Variants in EIF2AK2 observed in about 807,000 individuals in gnomAD.
EIF2AK2 encodes interferon-induced, double-stranded RNA-activated protein kinase.
EIF2AK2 carries 40 observed loss-of-function variants against 70.5 expected under a neutral mutation model. That is an observed-to-expected ratio of 0.57 (90% CI 0.44 to 0.74). The LOEUF is 0.74. Among genes scored for constraint, EIF2AK2 ranks in the 30% least tolerant of loss-of-function variants. The probability of loss-of-function intolerance (pLI) is 0.00; values close to 1 mark genes in which losing one functional copy is unlikely to be tolerated. For synonymous variants in EIF2AK2, 198 were observed against 220.9 expected, an observed-to-expected ratio of 0.90 and a Z score of 0.92; for missense variants, 555 against 644.3, an observed-to-expected ratio of 0.86 and a Z score of 1.50.
At chr2:37,120,244 C>A in intron 12 of EIF2AK2, 105 bp from the exon 13 acceptor site, 2 of 796,928 alleles carry the variant, frequency 2.5e-6, no homozygotes, top group Non-Finnish European at 3.4e-6. Flanking sequence ...AAAGCTTATA[C>A]CTTATCTTCT....
At chr2:37,123,081 T>C (rs1298626500) in intron 11 of EIF2AK2, among the ~76,000 whole-genome samples, 2 of 151,726 alleles carry the variant, frequency 1.3e-5, no homozygotes. Context: ...GGCAGGAGAA[T>C]CGCTTGAATC....
chr2:37,145,584 T>C (rs1675503762), intron 4 of EIF2AK2, among the ~76,000 whole-genome samples: 1 of 152,176 alleles, frequency 6.6e-6, no homozygotes, highest in Non-Finnish European at 1.5e-5. Flanking sequence ...ATGTTGCTTA[T>C]GTATACAGTG....
At chr2:37,148,792 T>C in intron 2 of EIF2AK2, 65 bp downstream of exon 2, 1 of 822,044 alleles carries the variant, frequency 1.2e-6, no homozygotes, top group Non-Finnish European at 2.2e-6. Flanking sequence ...CCCCCCAGAA[T>C]TTGCATGTAA....
intron 13 of EIF2AK2, among the ~76,000 whole-genome samples, chr2:37,118,029 C>T (rs776059670): frequency 2.6e-5 from 4 of 151,982 alleles, no homozygotes; most frequent in Non-Finnish European, 5.9e-5. Context: ...AGCTTGAGGC[C>T]GGGTGCAGTG....
At chr2:37,141,984 C>A (rs767240505) in intron 4 of EIF2AK2, among the ~76,000 whole-genome samples, 1 of 152,102 alleles carries the variant, frequency 6.6e-6, no homozygotes, top group Non-Finnish European at 1.5e-5. Context: ...CCTTTCTAAT[C>A]TCAAAAAACA....
rs1308382747 is a variant in EIF2AK2, at chr2:37,104,412, T to G, written c.*2861A>C. The G allele has an allele frequency of 6.6e-6, 1 of 152,014 alleles. No homozygotes were observed. Among genetic ancestry groups the G allele is most frequent in the Non-Finnish European group, 1.5e-5 (1 of 68,028 alleles). 9.4% of individuals were successfully genotyped at this position (152,014 alleles called of 1,614,324 possible). On this transcript the variant is annotated 3_prime_UTR_variant, in exon 17 of 17. Coordinates refer to ENST00000233057, the MANE Select transcript of EIF2AK2 (RefSeq NM_001135651.3). The stretch of plus-strand genomic sequence containing the variant: ...ATGGCTCACTGCGGCCTTGACCTCC[T>G]AGGCTCAAGTGATCCTCCCACCTCA...
intron 15 of EIF2AK2, among the ~76,000 whole-genome samples, chr2:37,108,735 A>G (rs537978976): frequency 6.6e-6 from 1 of 152,176 alleles, no homozygotes; most frequent in East Asian, 1.9e-4. Flanking sequence ...ACACCCAGCT[A>G]ATTTTTGTAT....
At chr2:37,134,153 T>A (rs910189191) in intron 10 of EIF2AK2, among the ~76,000 whole-genome samples, 1 of 152,184 alleles carries the variant, frequency 6.6e-6, no homozygotes, top group African/African-American at 2.4e-5. Flanking sequence ...AAAAGGAGCT[T>A]CCTTTTTTGA....
intron 4 of EIF2AK2, 144 bp downstream of exon 4, chr2:37,146,709 G>A: frequency 2.0e-6 from 2 of 996,120 alleles, no homozygotes; most frequent in Non-Finnish European, 2.9e-6. Context: ...TAGAAATGAA[G>A]ATAGGGTGAA....
intron 9 of EIF2AK2, among the ~76,000 whole-genome samples, chr2:37,136,251 C>G (rs1479681079): frequency 6.6e-6 from 1 of 152,264 alleles, no homozygotes; most frequent in South Asian, 2.1e-4. Flanking sequence ...TGCCATGGTT[C>G]TTGACTGCAT....
chr2:37,130,609 G>C (rs958910758), intron 10 of EIF2AK2, among the ~76,000 whole-genome samples: 1 of 152,150 alleles, frequency 6.6e-6, no homozygotes. Context: ...AGACCTCAAA[G>C]ATGCCTTTTA....
intron 4 of EIF2AK2, among the ~76,000 whole-genome samples, chr2:37,146,231 T>C (rs1675535039): frequency 6.6e-6 from 1 of 152,212 alleles, no homozygotes; most frequent in Non-Finnish European, 1.5e-5. Context: ...GTACTGGTTG[T>C]ACCATTCAGG....
At chr2:37,114,392 T>TA (rs1674263025) in intron 14 of EIF2AK2, among the ~76,000 whole-genome samples, 1 of 152,060 alleles carries the variant, frequency 6.6e-6, no homozygotes, top group African/African-American at 2.4e-5. Context: ...ATACAGTTGT[T>TA]AAAAAAAGAA....
intron 11 of EIF2AK2, among the ~76,000 whole-genome samples, chr2:37,125,795 C>A (rs10195585): frequency 4.6e-5 from 7 of 152,220 alleles, no homozygotes; most frequent in Non-Finnish European, 8.8e-5. Flanking sequence ...TTTTTAAGCA[C>A]TGCATTTTGG....
Position 37,138,535 on chromosome 2 carries a change from T to G in EIF2AK2, c.567A>C (p.Gln189His), listed in dbSNP as rs755875576. Residue 189 changes from glutamine (Q) to histidine (H), a missense_variant, in exon 7 of 17, where the codon CAA becomes CAC. Around this residue, in one of 3 missense-constraint regions of EIF2AK2, gnomAD observed 208 missense variants for 191.8 expected, o/e 1.08. Coordinates refer to ENST00000233057, the MANE Select transcript of EIF2AK2 (RefSeq NM_001135651.3). Reference protein sequence around the residue: ...SGSFATTCESQSNSLVTSTLA... With the variant: ...SGSFATTCESHSNSLVTSTLA... ...GTGTGCTGGTCACTAAAGAGTTGCT[T>G]TGGGACTCACACGTAGTAGCAAAAG... is the stretch of plus-strand genomic sequence containing the variant. 1 of 1,614,160 alleles carries G rather than the reference T, an allele frequency of 6.2e-7. No homozygotes were observed.
At chr2:37,137,652 A>AT (rs991326738) in intron 8 of EIF2AK2, among the ~76,000 whole-genome samples, 5 of 152,222 alleles carry the variant, frequency 3.3e-5, no homozygotes, top group African/African-American at 1.2e-4. Flanking sequence ...TTTAATTCTA[A>AT]TTTTTAAAAA....
At chr2:37,118,814 A>G (rs570106827) in intron 13 of EIF2AK2, among the ~76,000 whole-genome samples, 10 of 152,346 alleles carry the variant, frequency 6.6e-5, no homozygotes, top group Admixed American at 2.0e-4. Flanking sequence ...TGAGCCCAAT[A>G]AACAACTGTG....
At chr2:37,154,052 C>T (rs187213013) in intron 1 of EIF2AK2, among the ~76,000 whole-genome samples, 14 of 152,260 alleles carry the variant, frequency 9.2e-5, no homozygotes, top group South Asian at 4.1e-4. Context: ...AGTGGCCAGG[C>T]GCGGTGGCTC....
Position 37,099,661 on chromosome 2 carries a change from A to G in EIF2AK2, c.*7612T>C, listed in dbSNP as rs1673777920. 1 of 152,234 alleles carries G rather than the reference A, an allele frequency of 6.6e-6. No individual in the cohort carries two copies. The highest frequency in any genetic ancestry group is 2.4e-5 in the African/African-American group (1 of 41,458). The allele number at this position is 152,234 out of a possible 1,614,324, so 9.4% of individuals were successfully genotyped here. A position where few individuals can be genotyped will look rare whatever the true frequency, so the allele number is the denominator to read the frequency against. On this transcript the variant is annotated 3_prime_UTR_variant, in exon 17 of 17. Transcript: ENST00000233057. ...AATCCAGCCATTCTCCTAGGAATAT[A>G]CATCCAAGAGAAATGAAAACAAGTC...
Sources: allele counts gnomAD v4.1 joint callset (sites outside exome capture counted in the v4.1 genomes callset), GRCh38; gene constraint gnomAD v4.1.1; regional missense constraint gnomAD v4.1.1; transcripts MANE v1.5; gene names NCBI Gene and HGNC (gene_info 2026-07-23, HGNC 2026-07-21).